COL19A1: variants seen among roughly 807,000 people sequenced by gnomAD.
The protein encoded by COL19A1 is collagen type XIX alpha 1 chain.
COL19A1 carries 159 observed loss-of-function variants against 190.2 expected under a neutral mutation model. The observed-to-expected ratio is 0.84, with a 90% CI of 0.73 to 0.95. The LOEUF (loss-of-function observed/expected upper bound fraction) is 0.95. COL19A1 is among the 40% of genes least tolerant of loss of function. COL19A1 has a pLI of 0.00. For missense variants in COL19A1, 1,418 were observed against 1,431.9 expected (o/e 0.99, Z 0.16); for synonymous variants, 509 against 458.9 (o/e 1.11, Z -1.39).
At chr6:70,049,002 C>T (rs1313833390) in intron 14 of COL19A1, among the ~76,000 whole-genome samples, 2 of 151,726 alleles carry the variant, frequency 1.3e-5, no homozygotes, top group African/African-American at 4.8e-5. Flanking sequence ...TTAATATGTT[C>T]TGTAGCATAT....
intron 4 of COL19A1, among the ~76,000 whole-genome samples, chr6:69,910,249 C>A (rs183786961): frequency 1.6e-4 from 24 of 152,206 alleles, no homozygotes; most frequent in Non-Finnish European, 2.8e-4. Flanking sequence ...TCTTATAATA[C>A]CACCTTACAT....
intron 4 of COL19A1, among the ~76,000 whole-genome samples, chr6:69,914,762 G>A (rs907994559): frequency 6.6e-6 from 1 of 152,080 alleles, no homozygotes; most frequent in Non-Finnish European, 1.5e-5. Context: ...AATTACCTCC[G>A]GAACCACTGT....
chr6:69,961,652 C>A (rs1774804885), intron 10 of COL19A1, among the ~76,000 whole-genome samples: 1 of 152,032 alleles, frequency 6.6e-6, no homozygotes, highest in Admixed American at 6.6e-5. Flanking sequence ...ATATTCTTTC[C>A]TGGTAACTTT....
intron 15 of COL19A1, among the ~76,000 whole-genome samples, chr6:70,081,698 A>C (rs574213284): frequency 1.3e-5 from 2 of 152,328 alleles, no homozygotes; most frequent in Admixed American, 6.5e-5. Context: ...GATAATGTGG[A>C]AAATGACCAT....
intron 11 of COL19A1, among the ~76,000 whole-genome samples, chr6:69,978,948 T>C (rs1056150014): frequency 6.6e-6 from 1 of 151,796 alleles, no homozygotes; most frequent in Non-Finnish European, 1.5e-5. Context: ...TTGTTATATG[T>C]GTAATTTGAA....
intron 34 of COL19A1, among the ~76,000 whole-genome samples, chr6:70,157,976 T>G (rs1056145470): frequency 5.3e-5 from 8 of 152,168 alleles, no homozygotes; most frequent in African/African-American, 1.9e-4. Flanking sequence ...AATCCATTGC[T>G]AATATTCCTC....
chr6:69,946,034 C>G (rs1031718812), intron 9 of COL19A1, among the ~76,000 whole-genome samples: 2 of 151,656 alleles, frequency 1.3e-5, no homozygotes, highest in African/African-American at 4.8e-5. Context: ...TTGGATTGAC[C>G]CAGCTTTGGG....
chr6:70,104,646 A>G (rs904156124), intron 16 of COL19A1, among the ~76,000 whole-genome samples: 5 of 152,202 alleles, frequency 3.3e-5, no homozygotes, highest in African/African-American at 4.8e-5. Flanking sequence ...TTTTATTTCA[A>G]AGTTTTAGGC....
chr6:70,052,745 T>C (rs954464531), intron 14 of COL19A1, among the ~76,000 whole-genome samples: 4 of 152,206 alleles, frequency 2.6e-5, no homozygotes, highest in African/African-American at 9.6e-5. Flanking sequence ...TGGATTAAGA[T>C]AAAGCACATT....
intron 9 of COL19A1, among the ~76,000 whole-genome samples, chr6:69,948,780 C>A (rs962815359): frequency 5.3e-5 from 8 of 151,698 alleles, no homozygotes; most frequent in African/African-American, 1.9e-4. Flanking sequence ...TAGAAAGAAT[C>A]TTGTGTGGTG....
At chr6:70,182,443 G>A (rs1766233824) in intron 44 of COL19A1, among the ~76,000 whole-genome samples, 1 of 152,206 alleles carries the variant, frequency 6.6e-6, no homozygotes, top group Non-Finnish European at 1.5e-5. Context: ...GAGATGTCAA[G>A]TACACAGTGG....
intron 15 of COL19A1, among the ~76,000 whole-genome samples, chr6:70,097,330 A>G (rs1406230264): frequency 2.0e-5 from 3 of 152,122 alleles, no homozygotes; most frequent in East Asian, 3.9e-4. Context: ...TTTACTTAGT[A>G]TAATGTCCTT....
intron 15 of COL19A1, among the ~76,000 whole-genome samples, chr6:70,097,017 A>C (rs1783318399): frequency 6.6e-6 from 1 of 152,150 alleles, no homozygotes; most frequent in African/African-American, 2.4e-5. Context: ...TCATCCTTTA[A>C]GTCCAATTAC....
rs76607599 is a variant in COL19A1 at position 70,112,894 on chromosome 6, G to C, written c.1279-8986G>C. On this transcript the variant is annotated intron_variant, in intron 16 of 50. Coordinates refer to ENST00000620364, the MANE Select transcript of COL19A1 (RefSeq NM_001858.6). ...ATTACACAGCTCAGTATGCAGGCCA[G>C]AAGCAGACAAGCCCAGCTCAAGTGA... Among the ~76,000 whole-genome samples, 745 of 152,322 alleles carry C rather than the reference G, an allele frequency of 4.9e-3. 7 individuals carry two copies. The highest frequency in any genetic ancestry group is 0.017 in the African/African-American group (711 of 41,568).
chr6:70,145,722 C>CTTTTT (rs56306364), intron 25 of COL19A1, among the ~76,000 whole-genome samples: 3,926 of 128,076 alleles, frequency 0.031, 109 homozygotes, highest in Middle Eastern at 0.051. Flanking sequence ...CTTATTGTTT[C>CTTTTT]TTTTTTTTTT....
chr6:70,081,254 G>T (rs1782231164), intron 15 of COL19A1, among the ~76,000 whole-genome samples: 1 of 151,990 alleles, frequency 6.6e-6, no homozygotes. Flanking sequence ...ATTGTCTTCT[G>T]CATGCTCTAC....
chr6:70,109,217 GTTC>G (rs1333975882), intron 16 of COL19A1, among the ~76,000 whole-genome samples: 2 of 152,084 alleles, frequency 1.3e-5, no homozygotes, highest in Non-Finnish European at 2.9e-5. Flanking sequence ...AGGAGGAGAT[GTTC>G]TTCTCATTAC....
Position 70,184,736 on chromosome 6 carries a change from C to A in COL19A1, c.2809C>A (p.Gln937Lys). The A allele has an allele frequency of 6.2e-7, 1 of 1,600,882 alleles. No homozygotes were observed. The highest frequency in any genetic ancestry group is 1.1e-5 in the South Asian group (1 of 89,806). ...INGKDGIPGA[Q>K]GIMGKPGDRG... ...TGGAAAAGATGGAATACCAGGTGCT[C>A]AGGTATGGGAAATATGATTTAAAAT... Residue 937 changes from glutamine to lysine, a missense_variant and splice_region_variant, in exon 45 of 51, where the codon CAG becomes AAG. Transcript: ENST00000620364.
intron 4 of COL19A1, among the ~76,000 whole-genome samples, chr6:69,914,028 A>C (rs1269080000): frequency 1.3e-5 from 2 of 152,026 alleles, no homozygotes; most frequent in African/African-American, 2.4e-5. Flanking sequence ...CCTCATTTCT[A>C]AAGAGCAGAC....
Sources: gnomAD v4.1 joint callset for allele counts (sites outside exome capture counted in the v4.1 genomes callset) on GRCh38, gnomAD v4.1.1 for gene constraint, MANE v1.5 for transcripts, NCBI Gene and HGNC (gene_info 2026-07-23, HGNC 2026-07-21) for gene names.